Variants in PTPRD observed in about 807,000 individuals in gnomAD.
PTPRD encodes protein tyrosine phosphatase receptor type D.
Under a neutral mutation model 214.5 loss-of-function variants are expected in PTPRD, and 34 were observed. That is an observed-to-expected ratio of 0.16 (90% confidence interval 0.12 to 0.21). The LOEUF is 0.21. PTPRD is among the 10% of genes least tolerant of loss of function. The pLI, the probability that PTPRD is intolerant of heterozygous loss-of-function variation, is 1.00. For synonymous variants in PTPRD, 1,128 were observed against 845.7 expected (o/e 1.33, Z -5.79); for missense variants, 2,545 against 2,398.7 (o/e 1.06, Z -1.27).
At chr9:8,842,902 C>T (rs1056180893) in intron 11 of PTPRD, among the ~76,000 whole-genome samples, 1 of 152,174 alleles carries the variant, frequency 6.6e-6, no homozygotes, top group African/African-American at 2.4e-5. Context: ...CTAACAAAGA[C>T]ACACTTGCTC....
intron 6 of PTPRD, among the ~76,000 whole-genome samples, chr9:9,749,538 A>G (rs555848087): frequency 6.6e-6 from 1 of 152,218 alleles, no homozygotes; most frequent in Non-Finnish European, 1.5e-5. Context: ...TATTATTATC[A>G]GATCAATCAT....
At chr9:8,984,120 A>C (rs948378694) in intron 11 of PTPRD, among the ~76,000 whole-genome samples, 2 of 152,058 alleles carry the variant, frequency 1.3e-5, no homozygotes, top group African/African-American at 4.8e-5. Flanking sequence ...CCTATTTTTT[A>C]AGTCCTAATT....
Position 9,626,307 on chromosome 9 carries a change from C to T in PTPRD, c.-286-51526G>A, listed in dbSNP as rs142116687. Among the ~76,000 whole-genome samples the T allele has an allele frequency of 5.8e-4, 88 of 152,226 alleles. No individual in the cohort carries two copies. The East Asian group carries it at 0.014, about 23-fold the overall frequency. On this transcript the variant is annotated intron_variant, in intron 7 of 45. Coordinates refer to ENST00000381196, the MANE Select transcript of PTPRD (RefSeq NM_002839.4). ...AGTAATGACTACTTTTATAATGACG[C>T]TTGCAAAGTGGACTAAAAGCTAAGG...
intron 9 of PTPRD, among the ~76,000 whole-genome samples, chr9:9,323,441 T>A (rs1168522580): frequency 6.6e-6 from 1 of 152,188 alleles, no homozygotes; most frequent in Non-Finnish European, 1.5e-5. Context: ...TTAAGTAATA[T>A]GCCAATGCTA....
intron 2 of PTPRD, among the ~76,000 whole-genome samples, chr9:10,439,510 C>T (rs1180536067): frequency 6.6e-6 from 1 of 151,394 alleles, no homozygotes; most frequent in Non-Finnish European, 1.5e-5. Context: ...TGGTCTTGGA[C>T]ACATATTTAA....
At chr9:8,514,118 C>T (rs1373765020) in intron 21 of PTPRD, among the ~76,000 whole-genome samples, 1 of 152,042 alleles carries the variant, frequency 6.6e-6, no homozygotes, top group Non-Finnish European at 1.5e-5. Flanking sequence ...TCTGATAATG[C>T]TACCTTCACT....
intron 12 of PTPRD, among the ~76,000 whole-genome samples, chr9:8,702,957 T>C (rs974253408): frequency 2.0e-5 from 3 of 152,160 alleles, no homozygotes; most frequent in South Asian, 4.1e-4. Context: ...GGAGGACATT[T>C]TGGGGAGAGT....
intron 9 of PTPRD, among the ~76,000 whole-genome samples, chr9:9,319,199 C>G (rs1322536030): frequency 1.3e-5 from 2 of 152,118 alleles, no homozygotes; most frequent in African/African-American, 2.4e-5. Flanking sequence ...ATGAATGCTG[C>G]CTTTCTTCCT....
chr9:9,138,147 T>A (rs1030854138), intron 10 of PTPRD, among the ~76,000 whole-genome samples: 2 of 152,068 alleles, frequency 1.3e-5, no homozygotes, highest in East Asian at 1.9e-4. Context: ...GAAATCTTTT[T>A]TTTTTCTTCT....
At chr9:8,839,514 G>A (rs1366471055) in intron 11 of PTPRD, among the ~76,000 whole-genome samples, 3 of 151,962 alleles carry the variant, frequency 2.0e-5, no homozygotes, top group Non-Finnish European at 2.9e-5. Context: ...TAGTAGAGAT[G>A]AGGTTTCATC....
chr9:10,400,340 TATC>T (rs2098249361), intron 2 of PTPRD, among the ~76,000 whole-genome samples: 1 of 151,862 alleles, frequency 6.6e-6, no homozygotes, highest in African/African-American at 2.4e-5. Context: ...TTATTACTAT[TATC>T]ATTTTCTCTA....
intron 3 of PTPRD, among the ~76,000 whole-genome samples, chr9:10,051,431 C>A (rs1279902794): frequency 2.6e-5 from 4 of 151,772 alleles, no homozygotes; most frequent in Non-Finnish European, 4.4e-5. Context: ...ATATTACAAT[C>A]TTTTTTTTCA....
chr9:8,648,232 A>C (rs2096734616), intron 12 of PTPRD, among the ~76,000 whole-genome samples: 1 of 152,354 alleles, frequency 6.6e-6, no homozygotes. Context: ...CGAAAACTGT[A>C]TGATCTCACC....
At chr9:8,508,894 T>C (rs1459035056) in intron 21 of PTPRD, among the ~76,000 whole-genome samples, 2 of 92,112 alleles carry the variant, frequency 2.2e-5, no homozygotes, top group Non-Finnish European at 4.3e-5. Flanking sequence ...TGTGTGTCTG[T>C]GTGTGTGTGT....
intron 3 of PTPRD, among the ~76,000 whole-genome samples, chr9:10,036,345 C>T (rs2097180623): frequency 6.6e-6 from 1 of 151,960 alleles, no homozygotes. Flanking sequence ...GATGTATTTC[C>T]CTGTTAAGCC....
chr9:8,907,529 A>ATATAT (rs1555505700), intron 11 of PTPRD, among the ~76,000 whole-genome samples: 1 of 133,164 alleles, frequency 7.5e-6, no homozygotes, highest in East Asian at 2.6e-4. Flanking sequence ...AAAAAAAAAA[A>ATATAT]AAAAATATAT....
At chr9:9,204,565 A>G (rs1416438776) in intron 9 of PTPRD, among the ~76,000 whole-genome samples, 7 of 152,160 alleles carry the variant, frequency 4.6e-5, no homozygotes, top group Non-Finnish European at 1.0e-4. Flanking sequence ...AGTACTCTAT[A>G]TAACTCTGGC....
chr9:10,151,249 T>C (rs1022560496), intron 3 of PTPRD, among the ~76,000 whole-genome samples: 1 of 131,226 alleles, frequency 7.6e-6, no homozygotes, highest in African/African-American at 2.8e-5. Context: ...CTAGACTTTT[T>C]TGTTAACTTT....
chr9:9,928,702 A>C (rs987306786), intron 5 of PTPRD, among the ~76,000 whole-genome samples: 2 of 151,826 alleles, frequency 1.3e-5, no homozygotes, highest in African/African-American at 4.9e-5. Flanking sequence ...GTGAAAGAAA[A>C]TAAAGAACAA....
Sources: gnomAD v4.1 joint callset for allele counts (sites outside exome capture counted in the v4.1 genomes callset) on GRCh38, gnomAD v4.1.1 for gene constraint, MANE v1.5 for transcripts, NCBI Gene and HGNC (gene_info 2026-07-23, HGNC 2026-07-21) for gene names.